The following CACNA1A variants were observed in gnomAD, a reference collection of about 807,000 sequenced individuals.
The protein encoded by CACNA1A is calcium voltage-gated channel subunit alpha1 A.
A neutral mutation model predicts 262.4 loss-of-function variants in CACNA1A; 57 were observed. The ratio of observed to expected loss-of-function variants is 0.22; its 90% confidence interval spans 0.18 to 0.27. The LOEUF (loss-of-function observed/expected upper bound fraction) is 0.27, where lower values mean the gene tolerates loss of function less well. Among genes scored for constraint, CACNA1A ranks in the 10% least tolerant of loss-of-function variants. The pLI is 1.00. For synonymous variants in CACNA1A, 1,431 were observed against 1,419.3 expected (o/e 1.01, Z -0.18); for missense variants, 2,526 against 3,562.8 (o/e 0.71, Z 7.41).
At chr19:13,455,752 C>T (rs1232324243) in intron 1 of CACNA1A, among the ~76,000 whole-genome samples, 1 of 151,794 alleles carries the variant, frequency 6.6e-6, no homozygotes, top group Admixed American at 6.6e-5. Flanking sequence ...CACCTGTGGT[C>T]CCAGGTACTT....
intron 10 of CACNA1A, among the ~76,000 whole-genome samples, chr19:13,325,805 C>A (rs1358281113): frequency 6.6e-6 from 1 of 152,138 alleles, no homozygotes; most frequent in Non-Finnish European, 1.5e-5. Flanking sequence ...ATTTATAGTG[C>A]ATAACATGAT....
At chr19:13,325,527 C>T (rs1039881996) in intron 10 of CACNA1A, among the ~76,000 whole-genome samples, 3 of 152,078 alleles carry the variant, frequency 2.0e-5, no homozygotes, top group African/African-American at 7.2e-5. Flanking sequence ...CTGCAACCTC[C>T]ATCTCCCAGG....
chr19:13,226,616 G>C (rs959196226), intron 37 of CACNA1A: 2 of 152,290 alleles, frequency 1.3e-5, no homozygotes, highest in African/African-American at 4.8e-5. Context: ...TCCAGGACAG[G>C]GATCTGGAGG....
intron 11 of CACNA1A, 142 bp downstream of exon 11, chr19:13,316,970 A>T (rs532072441): frequency 1.7e-6 from 1 of 588,512 alleles, no homozygotes; most frequent in Non-Finnish European, 3.0e-6. Flanking sequence ...GGCCCCAGTG[A>T]CAGTTATAGA....
At chr19:13,245,413 T>C in intron 30 of CACNA1A, 148 bp from the exon 31 acceptor site, 2 of 664,360 alleles carry the variant, frequency 3.0e-6, no homozygotes, top group Non-Finnish European at 2.8e-6. Flanking sequence ...CGGTAAAGGC[T>C]GTTCGACATC....
chr19:13,360,099 C>CT (rs2059076927), intron 5 of CACNA1A, among the ~76,000 whole-genome samples: 1 of 150,978 alleles, frequency 6.6e-6, no homozygotes, highest in South Asian at 2.1e-4. Flanking sequence ...TATAAATTGC[C>CT]TTTAAGTGTG....
Position 13,334,400 on chromosome 19 carries a change from G to A in CACNA1A, c.1176C>T (p.Tyr392=). 6.3e-7 allele frequency: 1 copy of A among 1,596,826 alleles called. No individual in the cohort carries two copies. The highest frequency in any genetic ancestry group is 8.6e-7 in the Non-Finnish European group (1 of 1,164,238). Residue 392 remains tyrosine (Y), a synonymous_variant, in exon 8 of 47, where the codon TAC becomes TAT. Transcript: ENST00000360228. ...QQQIERELNG[Y]MEWISKAEEV... ...CACCTGCTTTTGAGATCCACTCCAT[G>A]TACCCATTGAGCTCACGTTCAATCT...
chr19:13,360,730 G>A (rs1292503030), intron 5 of CACNA1A, among the ~76,000 whole-genome samples: 3 of 152,054 alleles, frequency 2.0e-5, no homozygotes, highest in East Asian at 1.9e-4. Context: ...CGCCCGCCTC[G>A]GCCTCCAAAG....
chr19:13,420,912 T>A (rs535047712), intron 3 of CACNA1A, among the ~76,000 whole-genome samples: 2 of 152,272 alleles, frequency 1.3e-5, no homozygotes, highest in Admixed American at 6.5e-5. Flanking sequence ...CCCACCATCT[T>A]CTACAGTAAT....
intron 3 of CACNA1A, among the ~76,000 whole-genome samples, chr19:13,399,136 A>G (rs1360749229): frequency 1.3e-5 from 2 of 152,144 alleles, no homozygotes; most frequent in African/African-American, 4.8e-5. Flanking sequence ...GGCCTGGTGG[A>G]GTCCTCAAGA....
chr19:13,464,543 A>ATTGTT (rs1170388497), intron 1 of CACNA1A, among the ~76,000 whole-genome samples: 1 of 128,960 alleles, frequency 7.8e-6, no homozygotes, highest in East Asian at 2.3e-4. Context: ...AACTTTTCCA[A>ATTGTT]TTTTTTTTTT....
intron 10 of CACNA1A, among the ~76,000 whole-genome samples, chr19:13,321,819 G>A (rs2058259274): frequency 6.6e-6 from 1 of 151,966 alleles, no homozygotes; most frequent in Admixed American, 6.6e-5. Flanking sequence ...GAATGTGAAG[G>A]CCTAGGATAT....
intron 3 of CACNA1A, among the ~76,000 whole-genome samples, chr19:13,436,588 C>A (rs2060617463): frequency 6.6e-6 from 1 of 152,214 alleles, no homozygotes; most frequent in Non-Finnish European, 1.5e-5. Context: ...CTCATTCATT[C>A]ATTCACTCAA....
Position 13,212,568 on chromosome 19 carries a change from C to T in CACNA1A, c.6051-46G>A. ...GGGGTAGCAGTGGGCGCTTGGGCAG[C>T]TTCCAGAACGTGGGGACCACGGCAC... On this transcript the variant is annotated intron_variant, in intron 41 of 46. Transcript: ENST00000360228. The surrounding 1 kb of genome is among the most constrained non-coding windows in gnomAD (Gnocchi z 5.6). 2 of 1,522,862 alleles carry T rather than the reference C, an allele frequency of 1.3e-6. No homozygotes were observed. The highest frequency in any genetic ancestry group is 2.4e-5 in the East Asian group (1 of 41,134). 94.3% of individuals were successfully genotyped at this position (1,522,862 alleles called of 1,614,324 possible). A position where few individuals can be genotyped will look rare whatever the true frequency, so the allele number is the denominator to read the frequency against.
chr19:13,210,474 G>A, intron 44 of CACNA1A, 143 bp downstream of exon 44: 1 of 700,820 alleles, frequency 1.4e-6, no homozygotes, highest in Non-Finnish European at 2.4e-6. Flanking sequence ...CAAGGATTGG[G>A]CTCCATGGAG....
intron 19 of CACNA1A, among the ~76,000 whole-genome samples, chr19:13,291,930 G>T (rs1451179722): frequency 6.6e-6 from 1 of 152,144 alleles, no homozygotes; most frequent in Non-Finnish European, 1.5e-5. Flanking sequence ...CTCTCTTCCT[G>T]TTCCTTTTGG....
chr19:13,296,158 G>A (rs1188914362), intron 19 of CACNA1A, among the ~76,000 whole-genome samples: 1 of 152,202 alleles, frequency 6.6e-6, no homozygotes, highest in Non-Finnish European at 1.5e-5. Flanking sequence ...TCATCTGGGA[G>A]CTCGTTGCAA....
At chr19:13,209,189 C>G in intron 45 of CACNA1A, 123 bp downstream of exon 45, 1 of 1,324,854 alleles carries the variant, frequency 7.5e-7, no homozygotes, top group Non-Finnish European at 1.0e-6. Flanking sequence ...GCCTGGCCCC[C>G]TCTGTCCCCT....
chr19:13,440,144 G>A (rs1410453124), intron 3 of CACNA1A, among the ~76,000 whole-genome samples: 1 of 152,122 alleles, frequency 6.6e-6, no homozygotes, highest in Non-Finnish European at 1.5e-5. Context: ...ATTTTTAAGA[G>A]ATAGGGGTCT....
Sources: allele counts gnomAD v4.1 joint callset (sites outside exome capture counted in the v4.1 genomes callset), GRCh38; gene constraint gnomAD v4.1.1; non-coding constraint Gnocchi (gnomAD v3.1); transcripts MANE v1.5; gene names NCBI Gene and HGNC (gene_info 2026-07-23, HGNC 2026-07-21).